MYO1E: variants seen among roughly 807,000 people sequenced by gnomAD.
MYO1E encodes unconventional myosin-Ie.
Under a neutral mutation model 151.1 loss-of-function variants are expected in MYO1E, and 68 were observed. The observed-to-expected ratio is 0.45, with a 90% confidence interval of 0.37 to 0.55. The LOEUF (loss-of-function observed/expected upper bound fraction) is 0.55. Among genes scored for constraint, MYO1E ranks in the 20% least tolerant of loss-of-function variants. The pLI is 0.00. For missense variants in MYO1E, 1,363 were observed against 1,389.3 expected (o/e 0.98, Z 0.30); for synonymous variants, 601 against 501.7 (o/e 1.20, Z -2.64).
At chr15:59,286,873 T>C (rs1385082861) in intron 1 of MYO1E, among the ~76,000 whole-genome samples, 2 of 152,062 alleles carry the variant, frequency 1.3e-5, no homozygotes, top group African/African-American at 4.8e-5. Context: ...ATGACACATG[T>C]TTACAAACAG....
chr15:59,249,581 A>G (rs1266771493), intron 4 of MYO1E, among the ~76,000 whole-genome samples: 1 of 152,178 alleles, frequency 6.6e-6, no homozygotes, highest in Non-Finnish European at 1.5e-5. Context: ...TATGCCATCT[A>G]AAGTGTCATT....
chr15:59,218,149 A>T, intron 9 of MYO1E, 62 bp from the exon 10 acceptor site: 1 of 1,587,268 alleles, frequency 6.3e-7, no homozygotes, highest in East Asian at 2.2e-5. Context: ...AAGTCATCTC[A>T]CAAACATATG....
At chr15:59,345,262 A>C (rs1444135649) in intron 1 of MYO1E, among the ~76,000 whole-genome samples, 4 of 152,186 alleles carry the variant, frequency 2.6e-5, no homozygotes, top group African/African-American at 9.6e-5. Flanking sequence ...AGAAAAAAAA[A>C]AAACCTAAGC....
At chr15:59,179,453 C>T (rs571444754) in intron 18 of MYO1E, among the ~76,000 whole-genome samples, 44 of 152,142 alleles carry the variant, frequency 2.9e-4, no homozygotes, top group Non-Finnish European at 5.6e-4. Flanking sequence ...AGCCTTAAAC[C>T]GTGCCTGGCA....
intron 1 of MYO1E, among the ~76,000 whole-genome samples, chr15:59,289,553 T>C (rs778493767): frequency 6.6e-6 from 1 of 152,174 alleles, no homozygotes; most frequent in Non-Finnish European, 1.5e-5. Context: ...CCCCTTGTCA[T>C]CCACCCAAGA....
intron 22 of MYO1E, among the ~76,000 whole-genome samples, chr15:59,167,993 A>G (rs2079571800): frequency 6.6e-6 from 1 of 152,100 alleles, no homozygotes; most frequent in Admixed American, 6.6e-5. Context: ...TTTTATTTAA[A>G]TAAGGATTTT....
At chr15:59,290,636 G>A (rs1325791579) in intron 1 of MYO1E, among the ~76,000 whole-genome samples, 2 of 152,092 alleles carry the variant, frequency 1.3e-5, no homozygotes, top group East Asian at 1.9e-4. Context: ...TTGTGACAAC[G>A]GTGCCTCAGC....
chr15:59,208,835 A>T lies in MYO1E; in HGVS notation c.1376T>A (p.Ile459Asn). The T allele has an allele frequency of 6.2e-7, 1 of 1,613,742 alleles. No homozygotes were observed. The highest frequency in any genetic ancestry group is 8.5e-7 in the Non-Finnish European group (1 of 1,180,004). The change falls in exon 14 of 28, where the codon ATC becomes AAC. Residue 459 changes from isoleucine to asparagine, a missense_variant. Transcript: ENST00000288235. ...GCACACGTCATCCAGGATGCTCATGATGCCAGGAGGGTTCTGATGGGAGCA... is the reference window on the plus strand; with the variant it reads ...GCACACGTCATCCAGGATGCTCATGTTGCCAGGAGGGTTCTGATGGGAGCA... ...LIENKVNPPG[I>N]MSILDDVCAT...
At chr15:59,363,066 C>A (rs1450224380) in intron 1 of MYO1E, among the ~76,000 whole-genome samples, 1 of 151,532 alleles carries the variant, frequency 6.6e-6, no homozygotes, top group Non-Finnish European at 1.5e-5. Flanking sequence ...AGCTCCGCCT[C>A]CCAGGCTCAC....
intron 1 of MYO1E, among the ~76,000 whole-genome samples, chr15:59,289,613 A>G (rs1461346721): frequency 6.6e-6 from 1 of 152,238 alleles, no homozygotes; most frequent in East Asian, 1.9e-4. Context: ...CATTGGCTTG[A>G]AATCTAGAAA....
intron 1 of MYO1E, among the ~76,000 whole-genome samples, chr15:59,366,510 G>GT (rs1252690545): frequency 6.6e-6 from 1 of 152,070 alleles, no homozygotes; most frequent in Non-Finnish European, 1.5e-5. Context: ...AAAAAAATAG[G>GT]TTTTATTACA....
intron 1 of MYO1E, among the ~76,000 whole-genome samples, chr15:59,336,737 C>T (rs1439034037): frequency 1.3e-5 from 2 of 151,988 alleles, no homozygotes; most frequent in African/African-American, 4.8e-5. Flanking sequence ...TCTCCTACCC[C>T]TCCCCTAGCC....
chr15:59,303,428 C>A (rs1288557541), intron 1 of MYO1E, among the ~76,000 whole-genome samples: 1 of 152,070 alleles, frequency 6.6e-6, no homozygotes, highest in Non-Finnish European at 1.5e-5. Context: ...ACTGAGGAGG[C>A]TGAGGCAGGA....
intron 1 of MYO1E, among the ~76,000 whole-genome samples, chr15:59,288,996 T>C (rs1453136340): frequency 6.6e-6 from 1 of 152,202 alleles, no homozygotes; most frequent in Non-Finnish European, 1.5e-5. Flanking sequence ...TACTTACATA[T>C]TTACATTCAG....
intron 24 of MYO1E, among the ~76,000 whole-genome samples, chr15:59,160,350 T>C (rs1201916510): frequency 3.4e-5 from 5 of 145,052 alleles, no homozygotes; most frequent in African/African-American, 1.4e-4. Flanking sequence ...TGTGTGTGTG[T>C]GTGTGTGTGT....
chr15:59,206,775 C>T (rs7182279), intron 14 of MYO1E: 199,200 of 637,732 alleles, frequency 0.31, 34,445 homozygotes, highest in East Asian at 0.57. Flanking sequence ...AAGCACGTGT[C>T]GGAGACTCTG....
At chr15:59,256,151 G>A in intron 4 of MYO1E, 133 bp downstream of exon 4, 1 of 685,708 alleles carries the variant, frequency 1.5e-6, no homozygotes, top group Non-Finnish European at 2.6e-6. Context: ...CAGCTAACCT[G>A]CTTGCTACTC....
chr15:59,297,750 T>G (rs959571407), intron 1 of MYO1E, among the ~76,000 whole-genome samples: 7 of 151,872 alleles, frequency 4.6e-5, no homozygotes, highest in Admixed American at 6.6e-5. Context: ...TTGGCTAATT[T>G]TTTTGAATTT....
chr15:59,355,161 G>T (rs528724204), intron 1 of MYO1E, among the ~76,000 whole-genome samples: 72 of 152,270 alleles, frequency 4.7e-4, no homozygotes, highest in African/African-American at 1.7e-3. Context: ...CCCCATGCCA[G>T]AAATACAAAC....
Sources: allele counts gnomAD v4.1 joint callset (sites outside exome capture counted in the v4.1 genomes callset), GRCh38; gene constraint gnomAD v4.1.1; transcripts MANE v1.5; gene names NCBI Gene and HGNC (gene_info 2026-07-23, HGNC 2026-07-21).